TMEM74B: variants seen among roughly 807,000 people sequenced by gnomAD.
TMEM74B encodes the protein transmembrane protein C20orf46.
Under a neutral mutation model 6.5 loss-of-function variants are expected in TMEM74B, and 7 were observed. The observed-to-expected ratio is 1.07, with a 90% CI of 0.61 to 2.01. The LOEUF is 2.01. Among genes scored for constraint, TMEM74B ranks in the 30% most tolerant of loss-of-function variants. The pLI is 0.00. For synonymous variants in TMEM74B, 151 were observed against 151.6 expected (o/e 1.00, Z 0.03); for missense variants, 342 against 337.0 (o/e 1.01, Z -0.12).
In TMEM74B at chr20:1,180,578, C is replaced by G. The variant is rs2086835669; in HGVS notation, c.*270G>C. 2.6e-6 allele frequency: 1 copy of G among 377,658 alleles called. No individual in the cohort carries two copies. 23.4% of individuals were successfully genotyped at this position (377,658 alleles called of 1,614,324 possible). A position where few individuals can be genotyped will look rare whatever the true frequency, so the allele number is the denominator to read the frequency against. Reference sequence around the variant, plus strand: ...CCTCATCCTCCAAGAGCAGCGGTTTCCAAACTTTTGTATTTTTAGCAGCAG... The same window carrying G: ...CCTCATCCTCCAAGAGCAGCGGTTTGCAAACTTTTGTATTTTTAGCAGCAG... On this transcript the variant is annotated 3_prime_UTR_variant, in exon 3 of 3. Coordinates refer to ENST00000429036, the MANE Select transcript of TMEM74B (RefSeq NM_001304748.2). The surrounding 1 kb of genome is among the most constrained non-coding windows in gnomAD (Gnocchi z 6.1).
upstream of TMEM74B, chr20:1,186,198 T>C (rs1055314130): frequency 2.0e-5 from 3 of 152,288 alleles, no homozygotes; most frequent in African/African-American, 7.2e-5. Context: ...CTGACGGTCG[T>C]GATTTTGTTT....
At chr20:1,183,192 C>T (rs867701407) in intron 2 of TMEM74B, among the ~76,000 whole-genome samples, 1 of 152,236 alleles carries the variant, frequency 6.6e-6, no homozygotes, top group African/African-American at 2.4e-5. Flanking sequence ...GAGTGGCTCA[C>T]ATGCTCCGGT....
In TMEM74B at chr20:1,181,324, G is replaced by A. The variant is rs765727416; in HGVS notation, c.295C>T (p.Arg99Trp). 9.4e-6 allele frequency: 15 copies of A among 1,600,650 alleles called. No homozygotes were observed. Among genetic ancestry groups the A allele is most frequent in the Middle Eastern group, 1.7e-4 (1 of 6,010 alleles). The change falls in exon 3 of 3, where the codon CGG becomes TGG. Residue 99 changes from arginine to tryptophan, a missense_variant. Coordinates refer to ENST00000429036, the MANE Select transcript of TMEM74B (RefSeq NM_001304748.2). This position sits in a 1 kb window ranked among gnomAD's most constrained non-coding sequence, Gnocchi z 4.9. ...GGVSSLPRSQRDDLSLHSEEG... is the reference protein window; with the variant it reads ...GGVSSLPRSQWDDLSLHSEEG... ...TCTGAATGAAGGGACAGATCATCCCGCTGGGATCGGGGCAGTGAGGAGACA... is the reference window on the plus strand; with the variant it reads ...TCTGAATGAAGGGACAGATCATCCCACTGGGATCGGGGCAGTGAGGAGACA...
In TMEM74B at chr20:1,181,833, C is replaced by T. The variant is rs1401244956; in HGVS notation, c.32-246G>A. Among the ~76,000 whole-genome samples the T allele has an allele frequency of 6.6e-6, 1 of 152,142 alleles. No individual in the cohort carries two copies. Among genetic ancestry groups the T allele is most frequent in the African/African-American group, 2.4e-5 (1 of 41,410 alleles). On this transcript the variant is annotated intron_variant, in intron 2 of 2. Coordinates refer to ENST00000429036, the MANE Select transcript of TMEM74B (RefSeq NM_001304748.2). The surrounding 1 kb of genome is among the most constrained non-coding windows in gnomAD (Gnocchi z 4.9). ...CACTAATCCTGTCTGGCTTCAGTTT[C>T]CCCACCTATAAAATAATACTACTAC... is the stretch of plus-strand genomic sequence containing the variant.
upstream of TMEM74B, chr20:1,186,020 A>G (rs974648477): frequency 6.6e-6 from 1 of 152,174 alleles, no homozygotes; most frequent in Non-Finnish European, 1.5e-5. Flanking sequence ...GCTCCGCCCA[A>G]GAGGGGTGTT....
chr20:1,186,043 T>C (rs1400544013), upstream of TMEM74B: 1 of 152,178 alleles, frequency 6.6e-6, no homozygotes, highest in East Asian at 1.9e-4. Flanking sequence ...CCTGGGGGCA[T>C]TGCCAATGGC....
chr20:1,183,146 C>T (rs1363444761), intron 2 of TMEM74B, among the ~76,000 whole-genome samples: 1 of 152,328 alleles, frequency 6.6e-6, no homozygotes, highest in East Asian at 1.9e-4. Flanking sequence ...GAGCCCTAGG[C>T]GCACAAGCCA....
In TMEM74B at chr20:1,181,713, C is replaced by T. The variant is rs2086875043; in HGVS notation, c.32-126G>A. 2.1e-5 allele frequency: 23 copies of T among 1,092,600 alleles called. No individual in the cohort carries two copies. Among genetic ancestry groups the T allele is most frequent in the Admixed American group, 3.4e-5 (1 of 29,648 alleles). The allele number at this position is 1,092,600 out of a possible 1,614,324, so 67.7% of individuals were successfully genotyped here. A position where few individuals can be genotyped will look rare whatever the true frequency, so the allele number is the denominator to read the frequency against. Reference sequence around the variant, plus strand: ...TTCCCACTTGGGGGTGTCTGCCAGACAGAGGGGAAGACAGGGAATAAGACG... The same window carrying T: ...TTCCCACTTGGGGGTGTCTGCCAGATAGAGGGGAAGACAGGGAATAAGACG... On this transcript the variant is annotated intron_variant, in intron 2 of 2. Coordinates refer to ENST00000429036, the MANE Select transcript of TMEM74B (RefSeq NM_001304748.2). This position sits in a 1 kb window ranked among gnomAD's most constrained non-coding sequence, Gnocchi z 4.9.
chr20:1,181,353 CCAGGGGGACTGGGTGAG>C lies in TMEM74B; in HGVS notation c.249_265del (p.Ser83ArgfsTer13). The stretch of plus-strand genomic sequence containing the variant: ...GGATCGGGGCAGTGAGGAGACACCC[CCAGGGGGACTGGGTGAG>C]CTGCCCAGTCTCGTGTTCCCAGGGT... On this transcript the variant is annotated frameshift_variant, in exon 3 of 3. Transcript: ENST00000429036. LOFTEE classifies it high-confidence loss of function. The surrounding 1 kb of genome is among the most constrained non-coding windows in gnomAD (Gnocchi z 4.9). 1 of 1,566,504 alleles carries C rather than the reference CCAGGGGGACTGGGTGAG, an allele frequency of 6.4e-7. No homozygotes were observed. Among genetic ancestry groups the C allele is most frequent in the Non-Finnish European group, 8.7e-7 (1 of 1,153,836 alleles).
At position 1,180,975 on chromosome 20, in the gene TMEM74B, C is replaced by T. The variant is rs754633104; in HGVS notation, c.644G>A (p.Gly215Asp). Residue 215 changes from glycine (G) to aspartate (D), a missense_variant, in exon 3 of 3, where the codon GGC (glycine) becomes GAC (aspartate). Transcript: ENST00000429036. This position sits in a 1 kb window ranked among gnomAD's most constrained non-coding sequence, Gnocchi z 6.1. The part of the protein sequence containing the change: ...YRRRTFVPGK[G>D]SRKTYGSINL... ...AATGGAGCCGTAGGTCTTCCTGGAG[C>T]CCTTGCCGGGGACGAAGGTCCTCCG... The T allele has an allele frequency of 6.2e-7, 1 of 1,614,186 alleles. No individual in the cohort carries two copies. The highest frequency in any genetic ancestry group is 2.2e-5 in the East Asian group (1 of 44,874).
chr20:1,180,823 G>C lies in TMEM74B; in HGVS notation c.*25C>G. ...TGGACCTTGTAGCACTGGAGCTAAA[G>C]CAGCCAGATAAGGTGGGCTAGTTCT... is the stretch of plus-strand genomic sequence containing the variant. On this transcript the variant is annotated 3_prime_UTR_variant, in exon 3 of 3. Coordinates refer to ENST00000429036, the MANE Select transcript of TMEM74B (RefSeq NM_001304748.2). The surrounding 1 kb of genome is among the most constrained non-coding windows in gnomAD (Gnocchi z 6.1). 1 of 1,541,492 alleles carries C rather than the reference G, an allele frequency of 6.5e-7. No homozygotes were observed. The highest frequency in any genetic ancestry group is 1.4e-5 in the African/African-American group (1 of 72,864).
At chr20:1,186,499 A>T (rs2087022852), upstream of TMEM74B, 1 of 151,624 alleles carries the variant, frequency 6.6e-6, no homozygotes, top group South Asian at 2.1e-4. Flanking sequence ...GGTCTCGGTT[A>T]GTACCTCTGG....
chr20:1,187,110 AC>A (rs749530489), upstream of TMEM74B, among the ~76,000 whole-genome samples: 37 of 150,572 alleles, frequency 2.5e-4, no homozygotes, highest in Non-Finnish European at 5.0e-4. Context: ...TCCCGCACTC[AC>A]CCCCTTCCCT....
At chr20:1,189,316 C>T (rs1029481453), upstream of TMEM74B, 2 of 152,122 alleles carry the variant, frequency 1.3e-5, no homozygotes, top group Non-Finnish European at 2.9e-5. The surrounding 1 kb of genome is among the most constrained non-coding windows in gnomAD (Gnocchi z 4.5). Flanking sequence ...AAAGACATAA[C>T]GACTCAATGT....
upstream of TMEM74B, among the ~76,000 whole-genome samples, chr20:1,188,499 C>A (rs1412143964): frequency 6.8e-6 from 1 of 147,710 alleles, no homozygotes; most frequent in African/African-American, 2.5e-5. Flanking sequence ...ACACACACTA[C>A]ACACACATGC....
intron 2 of TMEM74B, among the ~76,000 whole-genome samples, chr20:1,183,064 T>C (rs1357727278): frequency 1.3e-5 from 2 of 152,156 alleles, no homozygotes; most frequent in Non-Finnish European, 1.5e-5. Context: ...GCCTGGCATG[T>C]GTCATTCCTA....
chr20:1,188,060 G>A (rs1192796948), upstream of TMEM74B, among the ~76,000 whole-genome samples: 6 of 151,908 alleles, frequency 3.9e-5, no homozygotes, highest in East Asian at 1.2e-3. Flanking sequence ...TGATCCATGT[G>A]GCAACAGATT....
rs142365258 is a variant in TMEM74B at position 1,181,332 on chromosome 20, C to T, written c.287G>A (p.Arg96Gln). Residue 96 changes from arginine (R) to glutamine (Q), a missense_variant, in exon 3 of 3, where the codon CGA becomes CAA. Coordinates refer to ENST00000429036, the MANE Select transcript of TMEM74B (RefSeq NM_001304748.2). This position sits in a 1 kb window ranked among gnomAD's most constrained non-coding sequence, Gnocchi z 4.9. ...AAGGGACAGATCATCCCGCTGGGAT[C>T]GGGGCAGTGAGGAGACACCCCCAGG... Reference protein sequence around the residue: ...SPPGGVSSLPRSQRDDLSLHS... With the variant: ...SPPGGVSSLPQSQRDDLSLHS... 1,893 of 1,593,234 alleles carry T rather than the reference C, an allele frequency of 1.2e-3. 1 individual carries two copies. The highest frequency in any genetic ancestry group is 1.4e-3 in the Non-Finnish European group (1,656 of 1,168,292).
upstream of TMEM74B, among the ~76,000 whole-genome samples, chr20:1,184,982 C>G (rs540438134): frequency 6.6e-6 from 1 of 152,210 alleles, no homozygotes; most frequent in Non-Finnish European, 1.5e-5. The surrounding 1 kb of genome is among the most constrained non-coding windows in gnomAD (Gnocchi z 6.0). Context: ...CCCGGAAGGC[C>G]GAACCGGACC....
Sources: allele counts gnomAD v4.1 joint callset (sites outside exome capture counted in the v4.1 genomes callset), GRCh38; gene constraint gnomAD v4.1.1; non-coding constraint Gnocchi (gnomAD v3.1); transcripts MANE v1.5; gene names NCBI Gene and HGNC (gene_info 2026-07-23, HGNC 2026-07-21).